Variants in LYN observed in about 807,000 individuals in gnomAD.
LYN encodes LYN proto-oncogene, Src family tyrosine kinase.
In LYN, 12 loss-of-function variants were observed where a neutral mutation model predicts 65.0. The observed-to-expected ratio is 0.18, with a 90% CI of 0.12 to 0.30. LYN has a LOEUF of 0.30. Among genes scored for constraint, LYN ranks in the 10% least tolerant of loss-of-function variants. LYN has a pLI of 1.00. For missense variants in LYN, 380 were observed against 623.2 expected, an observed-to-expected ratio of 0.61 and a Z score of 4.16; for synonymous variants, 222 against 221.2, an observed-to-expected ratio of 1.00 and a Z score of -0.03.
intron 12 of LYN, among the ~76,000 whole-genome samples, chr8:56,008,124 AAAAATAAAATAAAAT>A (rs1000414913): frequency 1.2e-5 from 1 of 86,638 alleles, no homozygotes; most frequent in South Asian, 3.0e-4. Flanking sequence ...GCCTCAAAAA[AAAAATAAAATAAAAT>A]AAAATAAAAT....
At chr8:55,929,360 G>GA (rs1806196981) in intron 1 of LYN, among the ~76,000 whole-genome samples, 1 of 152,160 alleles carries the variant, frequency 6.6e-6, no homozygotes, top group Non-Finnish European at 1.5e-5. Context: ...TTTTCTCATA[G>GA]AAAATCTCTG....
intron 1 of LYN, among the ~76,000 whole-genome samples, chr8:55,908,064 T>G (rs1805480201): frequency 6.6e-6 from 1 of 152,184 alleles, no homozygotes; most frequent in East Asian, 1.9e-4. Flanking sequence ...TATAAAATCC[T>G]GGGAAGGATT....
At chr8:55,951,065 A>G (rs1806930770) in intron 6 of LYN, among the ~76,000 whole-genome samples, 1 of 151,924 alleles carries the variant, frequency 6.6e-6, no homozygotes, top group Non-Finnish European at 1.5e-5. Context: ...CAACACAGCA[A>G]GACCCCATCT....
At chr8:55,982,753 ACT>A (rs1319215804) in intron 10 of LYN, among the ~76,000 whole-genome samples, 2 of 149,950 alleles carry the variant, frequency 1.3e-5, no homozygotes, top group Admixed American at 6.6e-5. Context: ...CCCCTCCAAG[ACT>A]CTGTCCTCTC....
chr8:55,998,572 C>A (rs1808437688), intron 11 of LYN, 73 bp downstream of exon 11: 2 of 1,412,012 alleles, frequency 1.4e-6, no homozygotes, highest in Admixed American at 1.7e-5. Flanking sequence ...TTTGACAAAG[C>A]AATTACAATA....
chr8:55,957,762 G>T (rs748577057), intron 8 of LYN, among the ~76,000 whole-genome samples: 16 of 152,206 alleles, frequency 1.1e-4, no homozygotes, highest in Non-Finnish European at 1.8e-4. Context: ...GGACAACATG[G>T]TGAAACCCTG....
intron 10 of LYN, among the ~76,000 whole-genome samples, chr8:55,978,571 G>A (rs1468380626): frequency 6.6e-6 from 1 of 152,174 alleles, no homozygotes; most frequent in African/African-American, 2.4e-5. Context: ...ATAAATAGGG[G>A]TTGGATGAGG....
chr8:55,944,205 G>A (rs1212868414), intron 2 of LYN, among the ~76,000 whole-genome samples: 1 of 152,010 alleles, frequency 6.6e-6, no homozygotes, highest in African/African-American at 2.4e-5. Flanking sequence ...TACTTAAAAT[G>A]TATAGGAATA....
In LYN at chr8:55,883,205, A is replaced by G. The variant is rs115904008; in HGVS notation, c.-6+3102A>G. On this transcript the variant is annotated intron_variant, in intron 1 of 12. Coordinates refer to ENST00000519728, the MANE Select transcript of LYN (RefSeq NM_002350.4). The stretch of plus-strand genomic sequence containing the variant: ...GTACTTGAAGTACAGTTTTTATTGA[A>G]TGCCTAATGCTTTTGCACCATCGTA... Among the ~76,000 whole-genome samples the G allele has an allele frequency of 8.3e-3, 1,263 of 152,364 alleles. 16 individuals are homozygous for G. The highest frequency in any genetic ancestry group is 0.028 in the African/African-American group (1,153 of 41,582).
At chr8:55,984,768 T>C (rs1416105609) in intron 10 of LYN, among the ~76,000 whole-genome samples, 1 of 152,262 alleles carries the variant, frequency 6.6e-6, no homozygotes, top group African/African-American at 2.4e-5. Context: ...CAGTTCTTCT[T>C]GGCTTCACTC....
intron 1 of LYN, among the ~76,000 whole-genome samples, chr8:55,889,506 C>G (rs961735021): frequency 1.3e-5 from 2 of 152,172 alleles, no homozygotes; most frequent in Non-Finnish European, 1.5e-5. Flanking sequence ...CCACACCCAG[C>G]CCAAGTATAT....
Position 55,998,101 on chromosome 8 carries a change from T to C in LYN, c.1051-245T>C, listed in dbSNP as rs571266476. Among the ~76,000 whole-genome samples the C allele has an allele frequency of 2.6e-5, 4 of 150,986 alleles. No homozygotes were observed. The East Asian group carries it at 7.8e-4, about 29-fold the overall frequency. ...TCCGTCTCAAGAAAAAAAAAGAAAA[T>C]GTTAAGACATGTTCCTTTTTTTTTT... On this transcript the variant is annotated intron_variant, in intron 10 of 12. Transcript: ENST00000519728.
At chr8:55,886,803 A>G (rs552295148) in intron 1 of LYN, among the ~76,000 whole-genome samples, 31 of 152,258 alleles carry the variant, frequency 2.0e-4, no homozygotes, top group Non-Finnish European at 3.1e-4. Context: ...AATACATCAT[A>G]TAATTTGTAA....
Position 56,012,487 on chromosome 8 carries a change from G to T in LYN, c.*2377G>T, listed in dbSNP as rs376872656. ...GCCTGTAATCTCAGCACTTTGGGAGGCTAAGGCAGGAGGATCGCTTGAGCT... is the reference window on the plus strand; with the variant it reads ...GCCTGTAATCTCAGCACTTTGGGAGTCTAAGGCAGGAGGATCGCTTGAGCT... On this transcript the variant is annotated 3_prime_UTR_variant, in exon 13 of 13. Coordinates refer to ENST00000519728, the MANE Select transcript of LYN (RefSeq NM_002350.4). 9.6e-5 allele frequency: 16 copies of T among 166,876 alleles called. No individual in the cohort carries two copies. The highest frequency in any genetic ancestry group is 3.6e-4 in the African/African-American group (15 of 42,048). The allele number at this position is 166,876 out of a possible 1,614,324, so 10.3% of individuals were successfully genotyped here.
chr8:55,972,538 C>T (rs1235305331), intron 10 of LYN, among the ~76,000 whole-genome samples: 2 of 152,180 alleles, frequency 1.3e-5, no homozygotes, highest in African/African-American at 2.4e-5. Context: ...CTCCCTCGTC[C>T]GCCTGGGATG....
At chr8:56,006,289 G>A (rs950846355) in intron 12 of LYN, among the ~76,000 whole-genome samples, 1 of 152,082 alleles carries the variant, frequency 6.6e-6, no homozygotes, top group Non-Finnish European at 1.5e-5. Context: ...ACTCACCTTG[G>A]TCACAAGCAA....
At chr8:55,880,707 T>G (rs1804629200) in intron 1 of LYN, among the ~76,000 whole-genome samples, 1 of 152,204 alleles carries the variant, frequency 6.6e-6, no homozygotes, top group Admixed American at 6.5e-5. Context: ...ACCCTCCCGC[T>G]GCGGCGCCTC....
At chr8:55,993,857 A>T (rs1808307630) in intron 10 of LYN, among the ~76,000 whole-genome samples, 1 of 152,232 alleles carries the variant, frequency 6.6e-6, no homozygotes, top group African/African-American at 2.4e-5. Context: ...AAGCTTGACC[A>T]ACTCCATGTA....
intron 1 of LYN, among the ~76,000 whole-genome samples, chr8:55,929,767 T>G (rs982225191): frequency 1.3e-5 from 2 of 152,248 alleles, no homozygotes; most frequent in African/African-American, 4.8e-5. Flanking sequence ...AATAATTTTC[T>G]GGCTTGAAAT....
Sources: allele counts gnomAD v4.1 joint callset (sites outside exome capture counted in the v4.1 genomes callset), GRCh38; gene constraint gnomAD v4.1.1; transcripts MANE v1.5; gene names NCBI Gene and HGNC (gene_info 2026-07-23, HGNC 2026-07-21).